The following ECI1 variants were observed in gnomAD, a reference collection of about 807,000 sequenced individuals.
The protein encoded by ECI1 is enoyl-CoA delta isomerase 1, also known as enoyl-CoA delta isomerase 1, mitochondrial.
Under a neutral mutation model 34.2 loss-of-function variants are expected in ECI1, and 34 were observed. The observed-to-expected ratio is 1.00, with a 90% CI of 0.76 to 1.33. The LOEUF (loss-of-function observed/expected upper bound fraction) is 1.33, where lower values mean the gene tolerates loss of function less well. ECI1 is among the 40% of genes most tolerant of loss of function. ECI1 has a pLI of 0.00. For missense variants in ECI1, 456 were observed against 422.2 expected (o/e 1.08, Z -0.70); for synonymous variants, 211 against 193.0 (o/e 1.09, Z -0.77).
rs371576012 is a variant in ECI1 at position 2,239,955 on chromosome 16, C to A, written c.*24G>T. ...TGGGACCCACAGGGGCACGTGTGGC[C>A]GTAAGCCTGTGGCAGCCCAATCGTT... On this transcript the variant is annotated 3_prime_UTR_variant, in exon 7 of 7. Coordinates refer to ENST00000301729, the MANE Select transcript of ECI1 (RefSeq NM_001919.4). The A allele has an allele frequency of 1.2e-6, 2 of 1,613,114 alleles. No individual in the cohort carries two copies. The highest frequency in any genetic ancestry group is 4.5e-5 in the East Asian group (2 of 44,878).
At chr16:2,243,784 G>A (rs1567313150) in intron 4 of ECI1, among the ~76,000 whole-genome samples, 1 of 152,348 alleles carries the variant, frequency 6.6e-6, no homozygotes, top group African/African-American at 2.4e-5. Context: ...CAAGCATTTA[G>A]TCATAACTGT....
chr16:2,247,711 TTTA>T (rs2093543587), intron 2 of ECI1, among the ~76,000 whole-genome samples: 1 of 152,082 alleles, frequency 6.6e-6, no homozygotes, highest in South Asian at 2.1e-4. Context: ...GGGTTATTTT[TTTA>T]TTATTATTAT....
rs368058737 is a variant in ECI1, at chr16:2,243,143, C to A, written c.645G>T (p.Ala215=). The part of the protein sequence containing the change: ...ALQLGLLFPP[A]EALQVGIVDQ... ...CCACTATGCCCACCTGCAGGGCCTC[C>A]GCCGGCGGGAAGAGCAGCCCCAGCT... The change falls in exon 6 of 7, where the codon GCG becomes GCT. Residue 215 remains alanine, a synonymous_variant. Coordinates refer to ENST00000301729, the MANE Select transcript of ECI1 (RefSeq NM_001919.4). 1 of 1,606,566 alleles carries A rather than the reference C, an allele frequency of 6.2e-7. No individual in the cohort carries two copies. The highest frequency in any genetic ancestry group is 8.5e-7 in the Non-Finnish European group (1 of 1,179,652).
At chr16:2,250,822 T>C (rs1259312696) in intron 2 of ECI1, among the ~76,000 whole-genome samples, 1 of 152,086 alleles carries the variant, frequency 6.6e-6, no homozygotes, top group African/African-American at 2.4e-5. Flanking sequence ...ACTTTATTTT[T>C]ATTTATTTAT....
At chr16:2,250,799 C>G (rs1408103277) in intron 2 of ECI1, among the ~76,000 whole-genome samples, 1 of 152,096 alleles carries the variant, frequency 6.6e-6, no homozygotes, top group Non-Finnish European at 1.5e-5. Flanking sequence ...GATAACAGCT[C>G]ATATCCCCGC....
At chr16:2,245,312 C>T (rs1454415867) in intron 3 of ECI1, among the ~76,000 whole-genome samples, 2 of 152,244 alleles carry the variant, frequency 1.3e-5, no homozygotes, top group African/African-American at 4.8e-5. Flanking sequence ...ACCCAGCTCA[C>T]CCTGACTCAC....
At chr16:2,241,157 A>AGAAT (rs1555481635) in intron 6 of ECI1, 105 of 151,072 alleles carry the variant, frequency 7.0e-4, no homozygotes, top group African/African-American at 2.4e-3. Flanking sequence ...CATCTCAAAA[A>AGAAT]AAATAAATAA....
At chr16:2,245,391 G>A (rs1488877422) in intron 3 of ECI1, among the ~76,000 whole-genome samples, 1 of 152,242 alleles carries the variant, frequency 6.6e-6, no homozygotes, top group Non-Finnish European at 1.5e-5. Flanking sequence ...CACCTAATGT[G>A]TGCGAGGAGG....
intron 3 of ECI1, among the ~76,000 whole-genome samples, chr16:2,245,346 TACCC>T (rs1325391235): frequency 4.6e-5 from 7 of 152,226 alleles, no homozygotes; most frequent in Non-Finnish European, 7.3e-5. Context: ...GGTGGATGTT[TACCC>T]CGCCCTGTCT....
intron 6 of ECI1, chr16:2,240,442 C>G (rs2093525498): frequency 1.1e-5 from 4 of 365,540 alleles, no homozygotes; most frequent in Non-Finnish European, 2.1e-5. Flanking sequence ...AACTCCTGAC[C>G]TCAGGTGATC....
At chr16:2,246,784 C>T in intron 3 of ECI1, 75 bp downstream of exon 3, 2 of 1,602,412 alleles carry the variant, frequency 1.2e-6, no homozygotes, top group Non-Finnish European at 1.7e-6. Context: ...CTTCCATGTG[C>T]AACAGGCCTG....
At chr16:2,247,900 G>A (rs911636988) in intron 2 of ECI1, among the ~76,000 whole-genome samples, 1 of 152,008 alleles carries the variant, frequency 6.6e-6, no homozygotes, top group Non-Finnish European at 1.5e-5. Flanking sequence ...GTACAGACGA[G>A]GTCTTATTTT....
chr16:2,242,991 A>T, intron 6 of ECI1, 55 bp downstream of exon 6: 1 of 1,408,200 alleles, frequency 7.1e-7, no homozygotes, highest in Non-Finnish European at 9.9e-7. Context: ...CTTTGGGTGG[A>T]GAACCTTCTG....
At position 2,243,435 on chromosome 16, in the gene ECI1, G is replaced by T; in HGVS notation, c.446C>A (p.Ala149Asp). Residue 149 changes from alanine (A) to aspartate (D), a missense_variant, in exon 5 of 7, where the codon GCC becomes GAC. Physicochemically the swap from Ala to Asp is moderately radical, Grantham distance 126. Coordinates refer to ENST00000301729, the MANE Select transcript of ECI1 (RefSeq NM_001919.4). Reference protein sequence around the residue: ...NLVLVSAINGACPAGGCLVAL... With the variant: ...NLVLVSAINGDCPAGGCLVAL... ...CACCAGGCAGCCTCCAGCGGGGCAG[G>T]CTCCCTGCAGGGAGAGGCCGGACAG... The T allele has an allele frequency of 6.2e-7, 1 of 1,612,614 alleles. No individual in the cohort carries two copies. Among genetic ancestry groups the T allele is most frequent in the Non-Finnish European group, 8.5e-7 (1 of 1,179,936 alleles).
intron 4 of ECI1, 151 bp from the exon 5 acceptor site, chr16:2,243,590 T>A (rs2093533480): frequency 1.0e-6 from 1 of 955,018 alleles, no homozygotes; most frequent in African/African-American, 1.6e-5. Context: ...GGGCTGGGTG[T>A]GCACTGGGAA....
In ECI1 at chr16:2,243,987, C is replaced by A. The variant is rs1017047370; in HGVS notation, c.441+419G>T. ...CCTCCACCAGGCTCCGGCCCACACC[C>A]GGCTTGTCACAGCCACCCCGCAGGA... On this transcript the variant is annotated intron_variant, in intron 4 of 6. Coordinates refer to ENST00000301729, the MANE Select transcript of ECI1 (RefSeq NM_001919.4). Among the ~76,000 whole-genome samples, 27 of 152,228 alleles carry A rather than the reference C, an allele frequency of 1.8e-4. 1 individual carries two copies. Among genetic ancestry groups the A allele is most frequent in the Admixed American group, 1.8e-3 (27 of 15,290 alleles).
At position 2,251,330 on chromosome 16, in the gene ECI1, G is replaced by A. The variant is rs890177950; in HGVS notation, c.152C>T (p.Pro51Leu). The change falls in exon 2 of 7, where the codon CCG (proline) becomes CTG (leucine). Residue 51 changes from proline (P) to leucine (L), a missense_variant. By Grantham distance (98) the Pro-to-Leu change is moderately conservative. Transcript: ENST00000301729. ...RFGSQRVLVEPDAGAGVAVMK... is the reference protein window; with the variant it reads ...RFGSQRVLVELDAGAGVAVMK... ...CGCCCGCTCACCTGCGCCCGCGTCC[G>A]GCTCCACCAGCACCCGCTGGCTCCC... is the stretch of plus-strand genomic sequence containing the variant. 1 of 1,237,040 alleles carries A rather than the reference G, an allele frequency of 8.1e-7. No homozygotes were observed. Among genetic ancestry groups the A allele is most frequent in the South Asian group, 2.9e-5 (1 of 34,536 alleles). The allele number at this position is 1,237,040 out of a possible 1,614,324, so 76.6% of individuals were successfully genotyped here. A position where few individuals can be genotyped will look rare whatever the true frequency, so the allele number is the denominator to read the frequency against.
intron 2 of ECI1, among the ~76,000 whole-genome samples, chr16:2,250,261 C>CAAAAA (rs560687371): frequency 3.0e-5 from 2 of 67,634 alleles, no homozygotes; most frequent in Admixed American, 1.4e-4. Context: ...ACTACATCTC[C>CAAAAA]AAAAAAAAAA....
intron 2 of ECI1, among the ~76,000 whole-genome samples, chr16:2,249,774 C>T (rs544145747): frequency 2.2e-5 from 3 of 139,276 alleles, no homozygotes; most frequent in Admixed American, 1.5e-4. Context: ...GCTACTTGGG[C>T]GGCTGAGGTA....
Sources: allele counts gnomAD v4.1 joint callset (sites outside exome capture counted in the v4.1 genomes callset), GRCh38; gene constraint gnomAD v4.1.1; transcripts MANE v1.5; gene names NCBI Gene and HGNC (gene_info 2026-07-23, HGNC 2026-07-21).